Variants in LIG3 observed in about 807,000 individuals in gnomAD.
LIG3 encodes DNA ligase 3, also known as ligase II, DNA, ATP-dependent.
A neutral mutation model predicts 110.9 loss-of-function variants in LIG3; 58 were observed. That is an observed-to-expected ratio of 0.52 (90% CI 0.42 to 0.65). The LOEUF is 0.65. Ranked by LOEUF, LIG3 falls within the 30% of genes least tolerant of loss-of-function variation. The pLI, the probability that LIG3 is intolerant of heterozygous loss-of-function variation, is 0.00. For missense variants in LIG3, 1,094 were observed against 1,273.8 expected, an observed-to-expected ratio of 0.86 and a Z score of 2.15; for synonymous variants, 422 against 472.8, an observed-to-expected ratio of 0.89 and a Z score of 1.39.
chr17:34,984,781 CT>C (rs35202391), intron 2 of LIG3, among the ~76,000 whole-genome samples: 4,106 of 138,832 alleles, frequency 0.03, 158 homozygotes, highest in African/African-American at 0.092. Flanking sequence ...TCTGTTTCTT[CT>C]TTTTTTTTTT....
At position 34,988,190 on chromosome 17, in the gene LIG3, C is replaced by CAAAA. The variant is rs555462146; in HGVS notation, c.692-1253_692-1250dup. Among the ~76,000 whole-genome samples the CAAAA allele has an allele frequency of 2.2e-4, 10 of 45,700 alleles. 1 individual carries two copies. Among genetic ancestry groups the CAAAA allele is most frequent in the Non-Finnish European group, 4.1e-4 (10 of 24,302 alleles). 30.0% of individuals were successfully genotyped at this position (45,700 alleles called of 152,430 possible). A position where few individuals can be genotyped will look rare whatever the true frequency, so the allele number is the denominator to read the frequency against. On this transcript the variant is annotated intron_variant, in intron 3 of 19. Transcript: ENST00000378526. ...CCTGGGCGACAGCGAGACTCTGTCT[C>CAAAA]AAAAAAAAAAAAAAAAAAAAAAAAA...
Position 34,989,591 on chromosome 17 carries a change from G to T in LIG3, c.817G>T (p.Val273Leu). 6.2e-7 allele frequency: 1 copy of T among 1,614,068 alleles called. No individual in the cohort carries two copies. The highest frequency in any genetic ancestry group is 8.5e-7 in the Non-Finnish European group (1 of 1,180,020). ...LREFRKLCAM[V>L]ADNPSYNTKT... ...GGAGTTTCGAAAGTTATGCGCCATGGTGGCCGATAATCCTAGCTACAACAC... is the reference window on the plus strand; with the variant it reads ...GGAGTTTCGAAAGTTATGCGCCATGTTGGCCGATAATCCTAGCTACAACAC... Residue 273 changes from valine to leucine, a missense_variant, in exon 4 of 20, where the codon GTG becomes TTG. Val to Leu is a conservative substitution (Grantham distance 32, BLOSUM62 1). Coordinates refer to ENST00000378526, the MANE Select transcript of LIG3 (RefSeq NM_013975.4).
At chr17:34,995,123 T>C (rs1286360890) in intron 9 of LIG3, among the ~76,000 whole-genome samples, 2 of 152,196 alleles carry the variant, frequency 1.3e-5, no homozygotes, top group African/African-American at 2.4e-5. Context: ...TTGCTATCCT[T>C]TTCTTTCCTA....
chr17:34,993,648 A>G (rs60212021), intron 8 of LIG3, among the ~76,000 whole-genome samples: 2,144 of 152,336 alleles, frequency 0.014, 55 homozygotes, highest in African/African-American at 0.049. Context: ...GCAAGCACCT[A>G]TTCTCTCTAA....
chr17:34,989,693 T>C, intron 4 of LIG3, 30 bp downstream of exon 4: 1 of 1,606,500 alleles, frequency 6.2e-7, no homozygotes, highest in Non-Finnish European at 8.5e-7. Context: ...AATAGGCCTT[T>C]CCTCCGGAGA....
At chr17:34,999,002 A>G (rs2090811095) in intron 14 of LIG3, 1 of 504,408 alleles carries the variant, frequency 2.0e-6, no homozygotes, top group Non-Finnish European at 3.5e-6. Flanking sequence ...CTCAGGCAAA[A>G]TCTCTTTCCT....
rs555283570 is a variant in LIG3 at position 34,986,873 on chromosome 17, C to G, written c.691+742C>G. ...GGATCTCCCTTCTTGATTCTTAAAA[C>G]TGTTTATTCAAAACACTGGAACTTC... is the stretch of plus-strand genomic sequence containing the variant. On this transcript the variant is annotated intron_variant, in intron 3 of 19. Coordinates refer to ENST00000378526, the MANE Select transcript of LIG3 (RefSeq NM_013975.4). Among the ~76,000 whole-genome samples, 43 of 152,206 alleles carry G rather than the reference C, an allele frequency of 2.8e-4. 3 individuals carry two copies. In the South Asian group the frequency reaches 8.9e-3, roughly 32 times the overall value.
rs1314034151 is a variant in LIG3, at chr17:34,980,597, G to A, written c.-30G>A. On this transcript the variant is annotated 5_prime_UTR_variant, in exon 1 of 20. Coordinates refer to ENST00000378526, the MANE Select transcript of LIG3 (RefSeq NM_013975.4). ...GTAATGAGCAAGTTCCGAGGCCTAC[G>A]GTGAGCGCCGGAGCCGGAGAGGCAG... is the stretch of plus-strand genomic sequence containing the variant. The A allele has an allele frequency of 1.4e-5, 18 of 1,285,452 alleles. No homozygotes were observed. Among genetic ancestry groups the A allele is most frequent in the Non-Finnish European group, 1.7e-5 (17 of 986,864 alleles). The allele number at this position is 1,285,452 out of a possible 1,614,324, so 79.6% of individuals were successfully genotyped here.
chr17:34,992,046 G>C lies in LIG3; in HGVS notation c.1286+11G>C. The C allele has an allele frequency of 1.2e-6, 2 of 1,611,776 alleles. No individual in the cohort carries two copies. Among genetic ancestry groups the C allele is most frequent in the Non-Finnish European group, 1.7e-6 (2 of 1,177,838 alleles). ...AGGTGCAAAACATGTGTAAGTAGCAGCTCCGCTGACAGCCTGAGCTGTCAT... is the reference window on the plus strand; with the variant it reads ...AGGTGCAAAACATGTGTAAGTAGCACCTCCGCTGACAGCCTGAGCTGTCAT... On this transcript the variant is annotated intron_variant, in intron 7 of 19. Coordinates refer to ENST00000378526, the MANE Select transcript of LIG3 (RefSeq NM_013975.4).
At chr17:34,996,457 G>T in intron 10 of LIG3, 117 bp from the exon 11 acceptor site, 1 of 916,286 alleles carries the variant, frequency 1.1e-6, no homozygotes, top group Non-Finnish European at 1.7e-6. Context: ...CTTCAGAGCA[G>T]AAATAGTACT....
chr17:34,982,965 T>C, intron 1 of LIG3, 37 bp from the exon 2 acceptor site: 1 of 266,010 alleles, frequency 3.8e-6, no homozygotes, highest in Non-Finnish European at 5.4e-6. Context: ...GTTTATATCT[T>C]TTTTTTTTTT....
At chr17:34,987,856 A>G (rs886069991) in intron 3 of LIG3, among the ~76,000 whole-genome samples, 5 of 152,148 alleles carry the variant, frequency 3.3e-5, no homozygotes, top group Non-Finnish European at 7.4e-5. Flanking sequence ...ACTGTAAGAG[A>G]TAACATTGCA....
intron 3 of LIG3, among the ~76,000 whole-genome samples, chr17:34,987,857 T>C (rs1210254308): frequency 6.6e-6 from 1 of 152,118 alleles, no homozygotes; most frequent in Non-Finnish European, 1.5e-5. Context: ...CTGTAAGAGA[T>C]AACATTGCAA....
chr17:34,991,873 A>T (rs759301336), intron 6 of LIG3, 36 bp downstream of exon 6: 1 of 1,613,860 alleles, frequency 6.2e-7, no homozygotes, highest in South Asian at 1.1e-5. Context: ...ATGCCCATAG[A>T]GAGATGAACT....
At chr17:34,990,480 G>C (rs568317047) in intron 4 of LIG3, among the ~76,000 whole-genome samples, 3 of 152,274 alleles carry the variant, frequency 2.0e-5, no homozygotes, top group African/African-American at 4.8e-5. Context: ...GGGTTTTGCT[G>C]TTTTGCCCAG....
rs751042361 is a variant in LIG3, at chr17:35,005,584, T to C, written c.*1078T>C. On this transcript the variant is annotated 3_prime_UTR_variant, in exon 20 of 20. Coordinates refer to ENST00000378526, the MANE Select transcript of LIG3 (RefSeq NM_013975.4). ...CAGCTTCCTGTTTACAATGGGAGGTTTAGGTTTCATAATGCTGGACCAGTC... is the reference window on the plus strand; with the variant it reads ...CAGCTTCCTGTTTACAATGGGAGGTCTAGGTTTCATAATGCTGGACCAGTC... 2 of 579,026 alleles carry C rather than the reference T, an allele frequency of 3.5e-6. No homozygotes were observed. Among genetic ancestry groups the C allele is most frequent in the Non-Finnish European group, 6.9e-6 (2 of 288,268 alleles). 35.9% of individuals were successfully genotyped at this position (579,026 alleles called of 1,614,324 possible). A position where few individuals can be genotyped will look rare whatever the true frequency, so the allele number is the denominator to read the frequency against.
rs781254512 is a variant in LIG3, at chr17:34,983,597, A to G, written c.547+45A>G. ...TTTCTCATCTTACTGGTGCTGAGAG[A>G]AAAAGGGATAAGGAGTTCAACTGCT... is the stretch of plus-strand genomic sequence containing the variant. On this transcript the variant is annotated intron_variant, in intron 2 of 19. Transcript: ENST00000378526. The G allele has an allele frequency of 7.2e-6, 11 of 1,535,560 alleles. No individual in the cohort carries two copies. In the East Asian group the frequency reaches 1.8e-4, roughly 25 times the overall value.
intron 9 of LIG3, among the ~76,000 whole-genome samples, chr17:34,994,744 C>T (rs947152448): frequency 4.6e-5 from 7 of 152,146 alleles, no homozygotes; most frequent in Non-Finnish European, 1.0e-4. Flanking sequence ...TTTGTGTTTC[C>T]ATGTCCCAGA....
chr17:34,983,053 C>T lies in LIG3; in HGVS notation c.48C>T (p.Leu16=), dbSNP rs140463226. 249 of 1,611,174 alleles carry T rather than the reference C, an allele frequency of 1.5e-4. No homozygotes were observed. The highest frequency in any genetic ancestry group is 1.6e-4 in the Non-Finnish European group (190 of 1,178,556). Residue 16 remains leucine, a synonymous_variant, in exon 2 of 20, where the codon CTC becomes CTT. Coordinates refer to ENST00000378526, the MANE Select transcript of LIG3 (RefSeq NM_013975.4). Reference sequence around the variant, plus strand: ...TCTTTCCACAAACCCTCCGTGCACTCAGCCGAAAAGAACTGTGCCTATTCC... The same window carrying T: ...TCTTTCCACAAACCCTCCGTGCACTTAGCCGAAAAGAACTGTGCCTATTCC... ...KIFFPQTLRA[L]SRKELCLFRK... is the part of the protein sequence containing the mutation.
Sources: allele counts gnomAD v4.1 joint callset (sites outside exome capture counted in the v4.1 genomes callset), GRCh38; gene constraint gnomAD v4.1.1; transcripts MANE v1.5; gene names NCBI Gene and HGNC (gene_info 2026-07-23, HGNC 2026-07-21).